Variants in RAD23A observed in about 807,000 individuals in gnomAD.
RAD23A encodes the protein lysine-specific demethylase RAD23A.
A neutral mutation model predicts 44.8 loss-of-function variants in RAD23A; 16 were observed. The ratio of observed to expected loss-of-function variants is 0.36; its 90% confidence interval spans 0.24 to 0.54. RAD23A has a LOEUF of 0.54. Among genes scored for constraint, RAD23A ranks in the 20% least tolerant of loss-of-function variants. RAD23A has a pLI of 0.89. For synonymous variants in RAD23A, 217 were observed against 202.9 expected, an observed-to-expected ratio of 1.07 and a Z score of -0.59; for missense variants, 380 against 483.3, an observed-to-expected ratio of 0.79 and a Z score of 2.00.
intron 1 of RAD23A, 39 bp downstream of exon 1, chr19:12,946,059 GTTT>G: frequency 9.4e-6 from 2 of 213,194 alleles, no homozygotes; most frequent in Non-Finnish European, 1.7e-5. Flanking sequence ...GGAGCGACGG[GTTT>G]CGGGGGTGGG....
At chr19:12,951,148 G>C (rs1165897964) in intron 7 of RAD23A, among the ~76,000 whole-genome samples, 1 of 152,156 alleles carries the variant, frequency 6.6e-6, no homozygotes, top group African/African-American at 2.4e-5. Flanking sequence ...TGGTTTGGGG[G>C]CTGGTAGGTG....
At position 12,948,065 on chromosome 19, in the gene RAD23A, G is replaced by A. The variant is rs1971711448; in HGVS notation, c.234+56G>A. On this transcript the variant is annotated intron_variant, in intron 2 of 8. Transcript: ENST00000586534. This position sits in a 1 kb window ranked among gnomAD's most constrained non-coding sequence, Gnocchi z 5.5. ...GTGGACGAGCTGGGGAGCTGGCAAAGAGCCTGTGTGCCCAGGAGAGATTAG... is the reference window on the plus strand; with the variant it reads ...GTGGACGAGCTGGGGAGCTGGCAAAAAGCCTGTGTGCCCAGGAGAGATTAG... The A allele has an allele frequency of 3.7e-6, 6 of 1,608,140 alleles. No individual in the cohort carries two copies. Among genetic ancestry groups the A allele is most frequent in the Non-Finnish European group, 5.1e-6 (6 of 1,177,124 alleles).
rs565619875 is a variant in RAD23A at position 12,948,746 on chromosome 19, A to G, written c.533A>G (p.Glu178Gly). Residue 178 changes from glutamate to glycine, a missense_variant, in exon 5 of 9, where the codon GAG (glutamate) becomes GGG (glycine). This residue lies in a region of RAD23A where 279 missense variants were observed against 313.7 expected (regional missense o/e 0.89). Coordinates refer to ENST00000586534, the MANE Select transcript of RAD23A (RefSeq NM_005053.4). This position sits in a 1 kb window ranked among gnomAD's most constrained non-coding sequence, Gnocchi z 5.5. Reference sequence around the variant, plus strand: ...ATCATGTCCATGGGCTATGAGCGAGAGCGGGTCGTGGCCGCCCTGAGAGCC... The same window carrying G: ...ATCATGTCCATGGGCTATGAGCGAGGGCGGGTCGTGGCCGCCCTGAGAGCC... ...TEIMSMGYER[E>G]RVVAALRASY... 3 of 1,613,550 alleles carry G rather than the reference A, an allele frequency of 1.9e-6. No homozygotes were observed.
chr19:12,950,166 G>T (rs1192287492), intron 7 of RAD23A, among the ~76,000 whole-genome samples: 1 of 152,222 alleles, frequency 6.6e-6, no homozygotes, highest in East Asian at 1.9e-4. Flanking sequence ...CCCTAGACTA[G>T]ACGTCTAAGA....
At position 12,952,963 on chromosome 19, in the gene RAD23A, C is replaced by G. The variant is rs1187715755; in HGVS notation, c.1006C>G (p.Leu336Val). Reference protein sequence around the residue: ...RLKALGFPESLVIQAYFACEK... With the variant: ...RLKALGFPESVVIQAYFACEK... ...GAAGGCCCTGGGCTTCCCAGAGAGC[C>G]TGGTCATCCAGGCCTATTTCGCGTG... The change falls in exon 9 of 9, where the codon CTG becomes GTG. Residue 336 changes from leucine (L) to valine (V), a missense_variant. By Grantham distance (32) the Leu-to-Val change is conservative. Coordinates refer to ENST00000586534, the MANE Select transcript of RAD23A (RefSeq NM_005053.4). 1.2e-6 allele frequency: 2 copies of G among 1,613,976 alleles called. No homozygotes were observed. The highest frequency in any genetic ancestry group is 1.3e-5 in the African/African-American group (1 of 74,880).
At position 12,948,754 on chromosome 19, in the gene RAD23A, G is replaced by A. The variant is rs554597904; in HGVS notation, c.541G>A (p.Val181Met). ...MSMGYERERV[V>M]AALRASYNNP... ...CATGGGCTATGAGCGAGAGCGGGTCGTGGCCGCCCTGAGAGCCAGCTACAA... is the reference window on the plus strand; with the variant it reads ...CATGGGCTATGAGCGAGAGCGGGTCATGGCCGCCCTGAGAGCCAGCTACAA... Residue 181 changes from valine to methionine, a missense_variant, in exon 5 of 9, where the codon GTG becomes ATG. Val to Met is a conservative substitution (Grantham distance 21). This residue lies in a region of RAD23A where 279 missense variants were observed against 313.7 expected (regional missense o/e 0.89). Coordinates refer to ENST00000586534, the MANE Select transcript of RAD23A (RefSeq NM_005053.4). This position sits in a 1 kb window ranked among gnomAD's most constrained non-coding sequence, Gnocchi z 5.5. 184 of 1,613,578 alleles carry A rather than the reference G, an allele frequency of 1.1e-4. 1 individual carries two copies. The South Asian group carries it at 1.6e-3, about 14-fold the overall frequency.
intron 1 of RAD23A, 64 bp downstream of exon 1, chr19:12,946,084 G>GGGGGGGGGGGGGGGCC: frequency 2.3e-5 from 12 of 512,114 alleles, no homozygotes; most frequent in East Asian, 5.5e-5. Context: ...TGGGGGCGGG[G>GGGGGGGGGGGGGGGCC]AGGCTAGAAT....
At chr19:12,949,516 A>G in intron 7 of RAD23A, 108 bp downstream of exon 7, 1 of 1,441,792 alleles carries the variant, frequency 6.9e-7, no homozygotes, top group Non-Finnish European at 9.5e-7. Flanking sequence ...AAGCAGGACT[A>G]AGCACATGCT....
intron 1 of RAD23A, among the ~76,000 whole-genome samples, chr19:12,946,338 A>G (rs1971674042): frequency 6.6e-6 from 1 of 152,212 alleles, no homozygotes; most frequent in Non-Finnish European, 1.5e-5. Context: ...AAGCTCTCCA[A>G]GACTGGGCTC....
intron 1 of RAD23A, among the ~76,000 whole-genome samples, chr19:12,947,070 TGAG>T (rs1971691127): frequency 1.3e-5 from 2 of 152,088 alleles, no homozygotes; most frequent in Non-Finnish European, 2.9e-5. Flanking sequence ...ATAAATAAAA[TGAG>T]ACCAATTAAA....
At chr19:12,946,894 C>G (rs921746439) in intron 1 of RAD23A, among the ~76,000 whole-genome samples, 1 of 152,072 alleles carries the variant, frequency 6.6e-6, no homozygotes, top group Non-Finnish European at 1.5e-5. Context: ...CTGTCTGTGC[C>G]TCCGTTTTCT....
intron 7 of RAD23A, among the ~76,000 whole-genome samples, chr19:12,951,441 G>T (rs11670236): frequency 0.036 from 5,450 of 151,438 alleles, 128 homozygotes; most frequent in Middle Eastern, 0.082. Context: ...TGTTTTTTTT[G>T]TTGTTGTTGT....
chr19:12,948,063 A>AATGCC lies in RAD23A; in HGVS notation c.234+55_234+56insTGCCA. 1.1e-5 allele frequency: 17 copies of AATGCC among 1,608,662 alleles called. No homozygotes were observed. In the South Asian group the frequency reaches 1.9e-4, roughly 18 times the overall value. Reference sequence around the variant, plus strand: ...GGGTGGACGAGCTGGGGAGCTGGCAAAGAGCCTGTGTGCCCAGGAGAGATT... The same window carrying AATGCC: ...GGGTGGACGAGCTGGGGAGCTGGCAAATGCCAGAGCCTGTGTGCCCAGGAGAGATT... On this transcript the variant is annotated intron_variant, in intron 2 of 8. Transcript: ENST00000586534. The surrounding 1 kb of genome is among the most constrained non-coding windows in gnomAD (Gnocchi z 5.5).
intron 1 of RAD23A, 110 bp from the exon 2 acceptor site, chr19:12,947,738 C>A: frequency 9.6e-7 from 1 of 1,045,536 alleles, no homozygotes. Flanking sequence ...GCTTAAAAAA[C>A]CCAGCGTGCT....
chr19:12,948,645 T>C lies in RAD23A; in HGVS notation c.473-41T>C. 1 of 1,596,852 alleles carries C rather than the reference T, an allele frequency of 6.3e-7. No homozygotes were observed. ...GCGGGAGGGCCTGGGAGCTGCCCTT[T>C]CCTCTTCCTGGTGACCTAGGCTTTG... On this transcript the variant is annotated intron_variant, in intron 4 of 8. Transcript: ENST00000586534. The surrounding 1 kb of genome is among the most constrained non-coding windows in gnomAD (Gnocchi z 5.5).
At position 12,945,912 on chromosome 19, in the gene RAD23A, G is replaced by A. The variant is rs1971654864; in HGVS notation, c.-37G>A. ...CGGCGGCGTGAGTTGCATGTTGTGT[G>A]AGGATCCCGGGGCCGCCGCGTCGCT... On this transcript the variant is annotated 5_prime_UTR_variant, in exon 1 of 9. Coordinates refer to ENST00000586534, the MANE Select transcript of RAD23A (RefSeq NM_005053.4). The A allele has an allele frequency of 1.2e-6, 2 of 1,603,274 alleles. No homozygotes were observed. Among genetic ancestry groups the A allele is most frequent in the African/African-American group, 1.4e-5 (1 of 73,894 alleles).
At position 12,953,405 on chromosome 19, in the gene RAD23A, C is replaced by T. The variant is rs1038223410; in HGVS notation, c.*356C>T. On this transcript the variant is annotated 3_prime_UTR_variant, in exon 9 of 9. Coordinates refer to ENST00000586534, the MANE Select transcript of RAD23A (RefSeq NM_005053.4). ...CTCCGAAAAACCCCTGAGGACCCCC[C>T]CCCATCCTCTTCTAGGATGAGGGGA... is the stretch of plus-strand genomic sequence containing the variant. 3 of 166,558 alleles carry T rather than the reference C, an allele frequency of 1.8e-5. No homozygotes were observed. The highest frequency in any genetic ancestry group is 7.2e-5 in the African/African-American group (3 of 41,918). The allele number at this position is 166,558 out of a possible 1,614,324, so 10.3% of individuals were successfully genotyped here.
At chr19:12,952,233 G>A (rs1340888959) in intron 7 of RAD23A, 1 of 158,612 alleles carries the variant, frequency 6.3e-6, no homozygotes, top group East Asian at 1.9e-4. Context: ...TTCAAGACAG[G>A]GTCTTGCTCT....
At position 12,946,401 on chromosome 19, in the gene RAD23A, GA is replaced by G. The variant is rs761593981; in HGVS notation, c.72+382del. 7.2e-5 allele frequency among the ~76,000 whole-genome samples: 11 copies of G among 152,364 alleles called. No individual in the cohort carries two copies. In the South Asian group the frequency reaches 1.2e-3, roughly 17 times the overall value. On this transcript the variant is annotated intron_variant, in intron 1 of 8. Transcript: ENST00000586534. The stretch of plus-strand genomic sequence containing the variant: ...TTGGGACACTGGTGGTCGAATCTAG[GA>G]GTAATGACCAGGAGATACTGAGTAG...
Sources: allele counts gnomAD v4.1 joint callset (sites outside exome capture counted in the v4.1 genomes callset), GRCh38; gene constraint gnomAD v4.1.1; regional missense constraint gnomAD v4.1.1; non-coding constraint Gnocchi (gnomAD v3.1); transcripts MANE v1.5; gene names NCBI Gene and HGNC (gene_info 2026-07-23, HGNC 2026-07-21).